The following LMBRD1 variants were observed in gnomAD, a reference collection of about 807,000 sequenced individuals.
LMBRD1 encodes LMBR1 domain containing 1.
LMBRD1 carries 64 observed loss-of-function variants against 74.8 expected under a neutral mutation model. The observed-to-expected ratio is 0.86, with a 90% CI of 0.70 to 1.05. LMBRD1 has a LOEUF of 1.05. LMBRD1 is among the 50% of genes least tolerant of loss of function. LMBRD1 has a pLI of 0.00. For missense variants in LMBRD1, 652 were observed against 645.9 expected (o/e 1.01, Z -0.10); for synonymous variants, 204 against 216.3 (o/e 0.94, Z 0.50).
At position 69,769,704 on chromosome 6, in the gene LMBRD1, C is replaced by T. The variant is rs144930205; in HGVS notation, c.307+10790G>A. Among the ~76,000 whole-genome samples, 723 of 150,986 alleles carry T rather than the reference C, an allele frequency of 4.8e-3. 8 individuals carry two copies. The highest frequency in any genetic ancestry group is 0.017 in the Middle Eastern group (5 of 290). ...AAATCTGTTTTCCACAAGTGTGCAA[C>T]TGCTGATGTGTCTATTTTTTTTAAC... On this transcript the variant is annotated intron_variant, in intron 3 of 15. Transcript: ENST00000649934.
chr6:69,740,021 G>A (rs1158893415), intron 6 of LMBRD1, among the ~76,000 whole-genome samples: 2 of 152,098 alleles, frequency 1.3e-5, no homozygotes, highest in Non-Finnish European at 2.9e-5. Context: ...CAAGAGAATC[G>A]CTTGAACCCG....
intron 3 of LMBRD1, among the ~76,000 whole-genome samples, chr6:69,777,743 T>A (rs1262222703): frequency 6.6e-6 from 1 of 151,854 alleles, no homozygotes; most frequent in African/African-American, 2.4e-5. Context: ...AATGTAAAAG[T>A]CTTACACAGT....
intron 3 of LMBRD1, among the ~76,000 whole-genome samples, chr6:69,777,072 T>G (rs1187057617): frequency 6.6e-6 from 1 of 152,036 alleles, no homozygotes; most frequent in Non-Finnish European, 1.5e-5. Flanking sequence ...CACTTGAACC[T>G]GGGAGGCGAA....
intron 7 of LMBRD1, among the ~76,000 whole-genome samples, chr6:69,735,446 A>T (rs1362227982): frequency 7.8e-4 from 93 of 118,820 alleles, no homozygotes; most frequent in Middle Eastern, 3.6e-3. Flanking sequence ...AACAACATAA[A>T]AAAAAAAAAA....
At chr6:69,706,229 A>C in intron 9 of LMBRD1, 1 of 391,810 alleles carries the variant, frequency 2.6e-6, no homozygotes, top group Non-Finnish European at 4.8e-6. Context: ...TCAAGAGAAC[A>C]GCCGCACAGG....
intron 9 of LMBRD1, among the ~76,000 whole-genome samples, chr6:69,706,610 CTGAT>C (rs1766265182): frequency 2.6e-5 from 4 of 152,088 alleles, no homozygotes; most frequent in African/African-American, 9.7e-5. Context: ...TTATACCTTA[CTGAT>C]TATTAGGTCT....
chr6:69,682,833 G>C (rs371964864), intron 14 of LMBRD1, among the ~76,000 whole-genome samples: 1 of 152,090 alleles, frequency 6.6e-6, no homozygotes, highest in African/African-American at 2.4e-5. Context: ...CTAAATATCA[G>C]TTTCTTTGTA....
chr6:69,696,940 A>G (rs1050116366), intron 14 of LMBRD1, among the ~76,000 whole-genome samples: 2 of 152,122 alleles, frequency 1.3e-5, no homozygotes, highest in African/African-American at 4.8e-5. Context: ...TTTTGAAAGA[A>G]TAAATCAGGA....
At chr6:69,739,802 A>T (rs1372202095) in intron 6 of LMBRD1, among the ~76,000 whole-genome samples, 1 of 151,670 alleles carries the variant, frequency 6.6e-6, no homozygotes, top group African/African-American at 2.4e-5. Context: ...CATATAAAGC[A>T]TTTTTTTTAA....
chr6:69,714,282 G>A (rs987593169), intron 8 of LMBRD1, among the ~76,000 whole-genome samples: 1 of 151,856 alleles, frequency 6.6e-6, no homozygotes, highest in South Asian at 2.1e-4. Context: ...AGCACAGATG[G>A]CATACAGAGG....
intron 3 of LMBRD1, among the ~76,000 whole-genome samples, chr6:69,771,317 G>A (rs564868396): frequency 1.3e-5 from 2 of 152,282 alleles, no homozygotes; most frequent in South Asian, 2.1e-4. Flanking sequence ...GCTGGAGGCC[G>A]CTATCAGTTC....
chr6:69,694,411 A>G (rs975629532), intron 14 of LMBRD1, among the ~76,000 whole-genome samples: 2 of 152,168 alleles, frequency 1.3e-5, no homozygotes, highest in Non-Finnish European at 2.9e-5. Context: ...AAGCACTTCA[A>G]CTATCAACCC....
intron 14 of LMBRD1, among the ~76,000 whole-genome samples, chr6:69,676,949 T>A (rs1184767341): frequency 6.6e-6 from 1 of 152,166 alleles, no homozygotes; most frequent in Non-Finnish European, 1.5e-5. Context: ...AGTATTAAGT[T>A]GCACTTGTAG....
At chr6:69,703,815 T>C (rs535392648) in intron 9 of LMBRD1, among the ~76,000 whole-genome samples, 62 of 152,168 alleles carry the variant, frequency 4.1e-4, no homozygotes, top group African/African-American at 1.4e-3. Context: ...ACTATACACT[T>C]CACTCATATT....
In LMBRD1 at chr6:69,713,626, T is replaced by C. The variant is rs373780058; in HGVS notation, c.915+19A>G. 1.2e-5 allele frequency: 20 copies of C among 1,612,698 alleles called. No individual in the cohort carries two copies. In the African/African-American group the frequency reaches 2.1e-4, roughly 17 times the overall value. ...ACTTGGGGAAGAGTGACAGCATAAT[T>C]TTTAAAAACTTCATTTACCTTCAGG... On this transcript the variant is annotated intron_variant, in intron 9 of 15. Transcript: ENST00000649934.
At chr6:69,721,480 G>A (rs373699478) in intron 7 of LMBRD1, among the ~76,000 whole-genome samples, 49 of 152,214 alleles carry the variant, frequency 3.2e-4, no homozygotes, top group African/African-American at 1.2e-3. Flanking sequence ...ACACACCTTG[G>A]ACCAAAAGTG....
chr6:69,794,913 G>T (rs184595325), intron 1 of LMBRD1, among the ~76,000 whole-genome samples: 5 of 152,314 alleles, frequency 3.3e-5, no homozygotes, highest in Non-Finnish European at 7.4e-5. Flanking sequence ...GGATTTTAAT[G>T]TAACAATGAA....
At position 69,676,308 on chromosome 6, in the gene LMBRD1, T is replaced by G. The variant is rs772643017; in HGVS notation, c.1510-37A>C. On this transcript the variant is annotated intron_variant, in intron 15 of 15. Transcript: ENST00000649934. ...AATAAGCCATGTGTTATTTTTCAAA[T>G]TTAAAATCATCTGGAAAGTAATGCT... The G allele has an allele frequency of 3.1e-6, 5 of 1,601,002 alleles. No homozygotes were observed. In the Admixed American group the frequency reaches 5.1e-5, roughly 16 times the overall value.
chr6:69,686,114 T>A (rs1186797853), intron 14 of LMBRD1, among the ~76,000 whole-genome samples: 2 of 152,180 alleles, frequency 1.3e-5, no homozygotes, highest in Non-Finnish European at 2.9e-5. Flanking sequence ...AATACTTAAG[T>A]CAGTATAGTC....
Sources: gnomAD v4.1 joint callset for allele counts (sites outside exome capture counted in the v4.1 genomes callset) on GRCh38, gnomAD v4.1.1 for gene constraint, MANE v1.5 for transcripts, NCBI Gene and HGNC (gene_info 2026-07-23, HGNC 2026-07-21) for gene names.